Variants in GPR39 observed in about 807,000 individuals in gnomAD.
GPR39 encodes G protein-coupled receptor 39.
Under a neutral mutation model 18.4 loss-of-function variants are expected in GPR39, and 23 were observed. That is an observed-to-expected ratio of 1.25 (90% confidence interval 0.90 to 1.77). The LOEUF is 1.77. Ranked by LOEUF, GPR39 falls within the 40% of genes most tolerant of loss-of-function variation. The pLI is 0.00. For synonymous variants in GPR39, 280 were observed against 257.9 expected (o/e 1.09, Z -0.82); for missense variants, 647 against 602.4 (o/e 1.07, Z -0.78).
At position 132,646,473 on chromosome 2, in the gene GPR39, A is replaced by ATTAG; in HGVS notation, c.*870_*873dup. 1 of 406,506 alleles carries ATTAG rather than the reference A, an allele frequency of 2.5e-6. No homozygotes were observed. Among genetic ancestry groups the ATTAG allele is most frequent in the Non-Finnish European group, 4.3e-6 (1 of 231,310 alleles). 25.2% of individuals were successfully genotyped at this position (406,506 alleles called of 1,614,324 possible). A position where few individuals can be genotyped will look rare whatever the true frequency, so the allele number is the denominator to read the frequency against. On this transcript the variant is annotated 3_prime_UTR_variant, in exon 2 of 2. Transcript: ENST00000329321. ...TGGTGAAAGAGACAGGCACTATTTCATTAGTTTTAACAAAACTGTTCCAAA... is the reference window on the plus strand; with the variant it reads ...TGGTGAAAGAGACAGGCACTATTTCATTAGTTAGTTTTAACAAAACTGTTCCAAA...
At chr2:132,492,863 T>C (rs1461016497) in intron 1 of GPR39, among the ~76,000 whole-genome samples, 1 of 142,756 alleles carries the variant, frequency 7.0e-6, no homozygotes, top group Non-Finnish European at 1.5e-5. Flanking sequence ...ATATATACCA[T>C]ATATGTACAC....
At chr2:132,632,245 G>T (rs564365402) in intron 1 of GPR39, among the ~76,000 whole-genome samples, 1 of 152,222 alleles carries the variant, frequency 6.6e-6, no homozygotes, top group African/African-American at 2.4e-5. Flanking sequence ...CAGGAGTCTA[G>T]CTTGCCAGAC....
intron 1 of GPR39, among the ~76,000 whole-genome samples, chr2:132,474,963 A>T (rs116633164): frequency 0.01 from 1,561 of 152,238 alleles, 24 homozygotes; most frequent in African/African-American, 0.036. Flanking sequence ...CTCAGGTTTT[A>T]CAGAGTAAAT....
chr2:132,493,198 T>C (rs1278917584), intron 1 of GPR39, among the ~76,000 whole-genome samples: 1 of 142,500 alleles, frequency 7.0e-6, no homozygotes, highest in Admixed American at 7.0e-5. Context: ...ATATACACCA[T>C]ATATACACCA....
intron 1 of GPR39, among the ~76,000 whole-genome samples, chr2:132,614,339 T>A (rs1681294230): frequency 6.6e-6 from 1 of 151,810 alleles, no homozygotes; most frequent in Non-Finnish European, 1.5e-5. Context: ...CTCAAGTAGC[T>A]GGGACTACAG....
chr2:132,514,878 A>C (rs1378791374), intron 1 of GPR39, among the ~76,000 whole-genome samples: 1 of 152,218 alleles, frequency 6.6e-6, no homozygotes, highest in African/African-American at 2.4e-5. Context: ...TTCTTGTTTT[A>C]ACAATCTTAA....
Position 132,645,355 on chromosome 2 carries a change from G to C in GPR39, c.1111G>C (p.Glu371Gln), listed in dbSNP as rs1289600237. 6.2e-7 allele frequency: 1 copy of C among 1,614,098 alleles called. No homozygotes were observed. The highest frequency in any genetic ancestry group is 8.5e-7 in the Non-Finnish European group (1 of 1,180,032). The change falls in exon 2 of 2, where the codon GAG (glutamate) becomes CAG (glutamine). Residue 371 changes from glutamate to glutamine, a missense_variant. Physicochemically the swap from Glu to Gln is conservative, Grantham distance 29. Transcript: ENST00000329321. ...CCTGTCGCTGCAGCACGCCAACCAC[G>C]AGAAGCGCCTGCGCGTACATGCGCA... ...CRLSLQHANH[E>Q]KRLRVHAHST...
chr2:132,642,111 G>C (rs1352911786), intron 1 of GPR39, among the ~76,000 whole-genome samples: 1 of 152,166 alleles, frequency 6.6e-6, no homozygotes, highest in East Asian at 1.9e-4. Flanking sequence ...CACAGAAACT[G>C]GCTTAGGAAA....
intron 1 of GPR39, among the ~76,000 whole-genome samples, chr2:132,593,790 A>G (rs1243599137): frequency 6.6e-6 from 1 of 152,036 alleles, no homozygotes. Context: ...CAAGAAAGAG[A>G]TGGGATTCAC....
Position 132,645,525 on chromosome 2 carries a change from T to C in GPR39, c.1281T>C (p.Ser427=). The change falls in exon 2 of 2, where the codon AGT becomes AGC. Residue 427 remains serine (S), a synonymous_variant. Transcript: ENST00000329321. ...CCCAGTCTAAGTCCCAGTCATTGAGTCTCGAGTCACTAGAGCCCAACTCAG... is the reference window on the plus strand; with the variant it reads ...CCCAGTCTAAGTCCCAGTCATTGAGCCTCGAGTCACTAGAGCCCAACTCAG... The part of the protein sequence containing the change: ...AEPQSKSQSL[S]LESLEPNSGA... The C allele has an allele frequency of 6.2e-7, 1 of 1,614,126 alleles. No individual in the cohort carries two copies. The highest frequency in any genetic ancestry group is 8.5e-7 in the Non-Finnish European group (1 of 1,180,024).
intron 1 of GPR39, among the ~76,000 whole-genome samples, chr2:132,499,054 T>C (rs575347572): frequency 6.6e-4 from 101 of 152,366 alleles, no homozygotes; most frequent in South Asian, 6.0e-3. Context: ...CAGAACTTTT[T>C]AGTTTAATTA....
At chr2:132,433,577 A>G (rs921821853) in intron 1 of GPR39, 4 of 151,868 alleles carry the variant, frequency 2.6e-5, no homozygotes, top group Non-Finnish European at 5.9e-5. Context: ...TAAAGTCATG[A>G]TATCACAAGA....
intron 1 of GPR39, among the ~76,000 whole-genome samples, chr2:132,526,817 C>G (rs1679522935): frequency 6.6e-6 from 1 of 152,144 alleles, no homozygotes; most frequent in African/African-American, 2.4e-5. Flanking sequence ...TTTCTAGATA[C>G]CATTTGCACT....
At chr2:132,553,335 GTA>G (rs1435380068) in intron 1 of GPR39, among the ~76,000 whole-genome samples, 115 of 147,260 alleles carry the variant, frequency 7.8e-4, no homozygotes, top group African/African-American at 2.7e-3. Context: ...GTGTGTGTGT[GTA>G]TGTATATGTG....
At chr2:132,579,509 G>T (rs1248427675) in intron 1 of GPR39, among the ~76,000 whole-genome samples, 6 of 151,974 alleles carry the variant, frequency 3.9e-5, no homozygotes, top group Non-Finnish European at 2.9e-5. Flanking sequence ...TTACATTCTT[G>T]CTGATGTTAT....
intron 1 of GPR39, among the ~76,000 whole-genome samples, chr2:132,440,255 G>A (rs1253730554): frequency 6.6e-6 from 1 of 152,130 alleles, no homozygotes; most frequent in Non-Finnish European, 1.5e-5. Flanking sequence ...TTCTAGCAGT[G>A]GTTAATTGCA....
chr2:132,603,776 G>C (rs975869413), intron 1 of GPR39, among the ~76,000 whole-genome samples: 2 of 152,160 alleles, frequency 1.3e-5, no homozygotes, highest in African/African-American at 4.8e-5. Context: ...AGCTGAAAAT[G>C]TCAACATTCT....
At chr2:132,454,155 G>C (rs1292844810) in intron 1 of GPR39, among the ~76,000 whole-genome samples, 2 of 151,910 alleles carry the variant, frequency 1.3e-5, no homozygotes, top group African/African-American at 4.8e-5. Flanking sequence ...CTTTTATTTT[G>C]TTGAGCTGTG....
At chr2:132,635,956 CGGCT>C (rs1558866510) in intron 1 of GPR39, among the ~76,000 whole-genome samples, 1 of 152,154 alleles carries the variant, frequency 6.6e-6, no homozygotes, top group African/African-American at 2.4e-5. Flanking sequence ...AGCACCAAAT[CGGCT>C]GGCACGTTGA....
Sources: gnomAD v4.1 joint callset for allele counts (sites outside exome capture counted in the v4.1 genomes callset) on GRCh38, gnomAD v4.1.1 for gene constraint, MANE v1.5 for transcripts, NCBI Gene and HGNC (gene_info 2026-07-23, HGNC 2026-07-21) for gene names.